DNAH14: variants seen among roughly 807,000 people sequenced by gnomAD.
DNAH14 encodes the protein dynein axonemal heavy chain 14.
Under a neutral mutation model 520.9 loss-of-function variants are expected in DNAH14, and 478 were observed. The observed-to-expected ratio is 0.92, with a 90% CI of 0.85 to 0.99. DNAH14 has a LOEUF of 0.99. Among genes scored for constraint, DNAH14 ranks in the 50% least tolerant of loss-of-function variants. The pLI is 0.00. For synonymous variants in DNAH14, 1,581 were observed against 1,757.2 expected, an observed-to-expected ratio of 0.90 and a Z score of 2.51; for missense variants, 4,831 against 5,234.5, an observed-to-expected ratio of 0.92 and a Z score of 2.38.
At chr1:225,035,550 G>C (rs2456354) in intron 11 of DNAH14, among the ~76,000 whole-genome samples, 129,359 of 151,834 alleles carry the variant, frequency 0.85, 58,653 homozygotes, top group Non-Finnish European at 1. Context: ...ATACTTCCCT[G>C]TTAGTACTGC....
intron 27 of DNAH14, among the ~76,000 whole-genome samples, chr1:225,129,612 C>T (rs1414396660): frequency 6.6e-6 from 1 of 151,994 alleles, no homozygotes; most frequent in Non-Finnish European, 1.5e-5. Context: ...ACTGGCTAGC[C>T]ATATGTAGAA....
chr1:225,374,559 C>T (rs907395219), intron 77 of DNAH14, 129 bp from the exon 78 acceptor site: 13 of 875,740 alleles, frequency 1.5e-5, no homozygotes, highest in Non-Finnish European at 1.8e-5. Flanking sequence ...CTGCACCTGG[C>T]CTATTTCTAT....
chr1:225,078,859 C>CTCT (rs2072720564), intron 17 of DNAH14, among the ~76,000 whole-genome samples: 3 of 18,980 alleles, frequency 1.6e-4, no homozygotes, highest in Non-Finnish European at 3.7e-4. Context: ...TCTCTCTCTC[C>CTCT]CTCTCTCTCT....
Position 225,040,133 on chromosome 1 carries a change from G to T in DNAH14, c.1488+1310G>T, listed in dbSNP as rs1031346641. 2.4e-4 allele frequency among the ~76,000 whole-genome samples: 37 copies of T among 151,838 alleles called. No homozygotes were observed. The East Asian group carries it at 7.3e-3, about 30-fold the overall frequency. On this transcript the variant is annotated intron_variant, in intron 12 of 85. Coordinates refer to ENST00000682510, the MANE Select transcript of DNAH14 (RefSeq NM_001367479.1). ...TTTTTGTATTTTTAGTAGAGACGGGGTTTCACCGTGTTAGCCAGGATGGTC... is the reference window on the plus strand; with the variant it reads ...TTTTTGTATTTTTAGTAGAGACGGGTTTTCACCGTGTTAGCCAGGATGGTC...
intron 37 of DNAH14, among the ~76,000 whole-genome samples, chr1:225,192,186 G>A (rs1225379042): frequency 6.6e-6 from 1 of 152,048 alleles, no homozygotes. Context: ...GTTTCTACCT[G>A]TAATCTCTTG....
chr1:225,257,211 A>C (rs1206444453), intron 44 of DNAH14, among the ~76,000 whole-genome samples: 3 of 152,210 alleles, frequency 2.0e-5, no homozygotes, highest in Admixed American at 6.5e-5. Flanking sequence ...GGCATCCACC[A>C]CTGGAGAACT....
At chr1:225,145,421 A>G in intron 30 of DNAH14, 42 bp downstream of exon 30, 1 of 1,346,090 alleles carries the variant, frequency 7.4e-7, no homozygotes, top group Non-Finnish European at 1.0e-6. Flanking sequence ...TATTGTACAC[A>G]TAAAACATAA....
intron 8 of DNAH14, among the ~76,000 whole-genome samples, chr1:224,984,783 C>T (rs1224357404): frequency 1.3e-5 from 2 of 151,924 alleles, no homozygotes; most frequent in Non-Finnish European, 2.9e-5. Context: ...AGAGAAAAAA[C>T]AATCCCATAA....
intron 48 of DNAH14, among the ~76,000 whole-genome samples, chr1:225,265,945 G>A (rs2093099146): frequency 6.6e-6 from 1 of 151,958 alleles, no homozygotes; most frequent in Admixed American, 6.6e-5. Flanking sequence ...TATATTGACA[G>A]TTACAAATTA....
At chr1:225,215,738 C>T (rs1169460253) in intron 41 of DNAH14, among the ~76,000 whole-genome samples, 1 of 151,760 alleles carries the variant, frequency 6.6e-6, no homozygotes, top group Non-Finnish European at 1.5e-5. Flanking sequence ...TTTAACTTTC[C>T]GTTTGCTTGG....
Position 225,300,899 on chromosome 1 carries a change from A to T in DNAH14, c.8500A>T (p.Ile2834Phe), listed in dbSNP as rs1442794612. Residue 2834 changes from isoleucine (I) to phenylalanine (F), a missense_variant, in exon 56 of 86, where the codon ATC becomes TTC. Physicochemically the swap from Ile to Phe is conservative, Grantham distance 21 (BLOSUM62 0). Coordinates refer to ENST00000682510, the MANE Select transcript of DNAH14 (RefSeq NM_001367479.1). ...DSFLEDLNYI[I>F]SSGRIPDLFE... ...ATTTTTAGAAGATTTGAACTACATC[A>T]TCAGTTCAGGAAGAATACCTGACCT... 6.4e-7 allele frequency: 1 copy of T among 1,550,850 alleles called. No individual in the cohort carries two copies. The highest frequency in any genetic ancestry group is 8.7e-7 in the Non-Finnish European group (1 of 1,146,790).
At chr1:225,129,313 A>C (rs1573346892) in intron 27 of DNAH14, among the ~76,000 whole-genome samples, 1 of 152,266 alleles carries the variant, frequency 6.6e-6, no homozygotes, top group African/African-American at 2.4e-5. Flanking sequence ...ATTGGAAAAA[A>C]CTACTTTAAA....
At chr1:225,356,240 A>C in intron 73 of DNAH14, among the ~76,000 whole-genome samples, 1 of 152,196 alleles carries the variant, frequency 6.6e-6, no homozygotes, top group East Asian at 1.9e-4. Flanking sequence ...GAGAGATTTC[A>C]AATAAAAATC....
At position 225,159,452 on chromosome 1, in the gene DNAH14, G is replaced by T. The variant is rs1258035966; in HGVS notation, c.5412G>T (p.Val1804=). The T allele has an allele frequency of 2.6e-6, 4 of 1,537,878 alleles. No homozygotes were observed. The highest frequency in any genetic ancestry group is 3.5e-6 in the Non-Finnish European group (4 of 1,142,106). Residue 1804 remains valine, a synonymous_variant, in exon 35 of 86, where the codon GTG becomes GTT. Transcript: ENST00000682510. ...ENIIGDIFPE[V]TVLKVNQLAL... ...TTATAGGAGATATTTTTCCAGAAGT[G>T]ACAGTTTTGAAAGTAAATCAACTTG...
chr1:225,318,688 T>G lies in DNAH14; in HGVS notation c.9335+11T>G, dbSNP rs748519979. On this transcript the variant is annotated intron_variant, in intron 61 of 85. Coordinates refer to ENST00000682510, the MANE Select transcript of DNAH14 (RefSeq NM_001367479.1). ...TGTCGCTGAATTAAGGTAACTCTCC[T>G]AAGTTTCGTTTGAGTTGGAAAAGCT... The G allele has an allele frequency of 1.6e-5, 25 of 1,535,712 alleles. No homozygotes were observed. In the South Asian group the frequency reaches 3.1e-4, roughly 19 times the overall value.
chr1:225,373,677 G>A (rs893007335), intron 77 of DNAH14, among the ~76,000 whole-genome samples: 17 of 152,144 alleles, frequency 1.1e-4, no homozygotes, highest in Non-Finnish European at 2.2e-4. Flanking sequence ...AGGATCTGAC[G>A]GCTAAAGTCG....
At chr1:225,191,687 T>A (rs1003385573) in intron 37 of DNAH14, among the ~76,000 whole-genome samples, 2 of 152,042 alleles carry the variant, frequency 1.3e-5, no homozygotes, top group African/African-American at 4.8e-5. Flanking sequence ...ATGTATAGAT[T>A]GATATGCTTT....
chr1:224,969,301 G>A (rs1216264063), intron 7 of DNAH14: 1 of 163,512 alleles, frequency 6.1e-6, no homozygotes, highest in Admixed American at 6.5e-5. Context: ...CAACGCAAGG[G>A]TTAGGGGCTC....
Position 225,104,007 on chromosome 1 carries a change from G to T in DNAH14, c.3867+3123G>T, listed in dbSNP as rs927234300. On this transcript the variant is annotated intron_variant, in intron 23 of 85. Coordinates refer to ENST00000682510, the MANE Select transcript of DNAH14 (RefSeq NM_001367479.1). ...AATGCTTCCAGTTTTTGCCCATTCAGTGTGATAGTGGCGTGGGTTTGTCAT... is the reference window on the plus strand; with the variant it reads ...AATGCTTCCAGTTTTTGCCCATTCATTGTGATAGTGGCGTGGGTTTGTCAT... Among the ~76,000 whole-genome samples the T allele has an allele frequency of 3.3e-5, 5 of 152,136 alleles. 1 individual carries two copies. Among genetic ancestry groups the T allele is most frequent in the Admixed American group, 3.3e-4 (5 of 15,272 alleles).
Sources: gnomAD v4.1 joint callset for allele counts (sites outside exome capture counted in the v4.1 genomes callset) on GRCh38, gnomAD v4.1.1 for gene constraint, MANE v1.5 for transcripts, NCBI Gene and HGNC (gene_info 2026-07-23, HGNC 2026-07-21) for gene names.